Variants in STPG2 observed in about 807,000 individuals in gnomAD.
STPG2 encodes the protein sperm-tail PG-rich repeat-containing protein 2.
A neutral mutation model predicts 54.2 loss-of-function variants in STPG2; 56 were observed. The ratio of observed to expected loss-of-function variants is 1.03; its 90% CI spans 0.83 to 1.29. The LOEUF (loss-of-function observed/expected upper bound fraction) is 1.29, where lower values mean the gene tolerates loss of function less well. Among genes scored for constraint, STPG2 ranks in the 50% most tolerant of loss-of-function variants. STPG2 has a pLI of 0.00. For missense variants in STPG2, 596 were observed against 544.9 expected, an observed-to-expected ratio of 1.09 and a Z score of -0.93; for synonymous variants, 200 against 181.8, an observed-to-expected ratio of 1.10 and a Z score of -0.81.
chr4:97,691,771 G>T (rs1209818380), intron 10 of STPG2, among the ~76,000 whole-genome samples: 1 of 152,114 alleles, frequency 6.6e-6, no homozygotes, highest in African/African-American at 2.4e-5. Flanking sequence ...CAAGGTTTAA[G>T]GACCCTCCCT....
intron 9 of STPG2, among the ~76,000 whole-genome samples, chr4:97,776,288 T>C (rs1236166932): frequency 1.3e-5 from 2 of 152,154 alleles, no homozygotes; most frequent in Non-Finnish European, 2.9e-5. Context: ...ATTTTACAGA[T>C]GACAATATTG....
At chr4:97,482,212 T>C (rs1730239035) in intron 4 of STPG2, among the ~76,000 whole-genome samples, 1 of 151,578 alleles carries the variant, frequency 6.6e-6, no homozygotes, top group Admixed American at 6.6e-5. Flanking sequence ...TTCTTTTGTA[T>C]GTTATTGAAT....
In STPG2 at chr4:97,695,450, C is replaced by T. The variant is rs62316487; in HGVS notation, c.1320+17249G>A. Among the ~76,000 whole-genome samples, 1,169 of 152,268 alleles carry T rather than the reference C, an allele frequency of 7.7e-3. 12 individuals carry two copies. Among genetic ancestry groups the T allele is most frequent in the Middle Eastern group, 0.058 (17 of 294 alleles). On this transcript the variant is annotated intron_variant, in intron 10 of 10. Transcript: ENST00000295268. ...AACTGGAACAAGACAAGGATGCGCA[C>T]TTTCACCACTTCTATTCAACATAGT...
intron 3 of STPG2, among the ~76,000 whole-genome samples, chr4:98,113,395 GTTA>G (rs1272128083): frequency 1.3e-5 from 2 of 152,138 alleles, no homozygotes; most frequent in African/African-American, 4.8e-5. Flanking sequence ...TGGTATTTAA[GTTA>G]TTAACATTAT....
chr4:97,810,574 G>A (rs1727706169), intron 9 of STPG2, among the ~76,000 whole-genome samples: 1 of 151,976 alleles, frequency 6.6e-6, no homozygotes. Flanking sequence ...CATGAGTCAG[G>A]CTCTGGGACA....
Position 98,025,901 on chromosome 4 carries a change from A to C in STPG2, c.613-44583T>G, listed in dbSNP as rs549930513. On this transcript the variant is annotated intron_variant, in intron 5 of 10. Coordinates refer to ENST00000295268, the MANE Select transcript of STPG2 (RefSeq NM_174952.3). ...GGGAGCTGTGGATGGAGGCTTGTCTATCCCTCACAGTACCAAATGATTCCC... is the reference window on the plus strand; with the variant it reads ...GGGAGCTGTGGATGGAGGCTTGTCTCTCCCTCACAGTACCAAATGATTCCC... 1.9e-6 allele frequency: 3 copies of C among 1,566,768 alleles called. No individual in the cohort carries two copies. In the African/African-American group the frequency reaches 4.0e-5, roughly 21 times the overall value.
intron 9 of STPG2, among the ~76,000 whole-genome samples, chr4:97,731,799 C>T (rs1026046672): frequency 1.1e-4 from 17 of 152,346 alleles, no homozygotes; most frequent in African/African-American, 4.1e-4. Context: ...ACTTAAGCTG[C>T]ATCTACAGAT....
chr4:97,536,414 C>T (rs974253259), intron 4 of STPG2, among the ~76,000 whole-genome samples: 2 of 152,102 alleles, frequency 1.3e-5, no homozygotes, highest in South Asian at 4.1e-4. Context: ...GACAAATTCC[C>T]CTTGAGCTCT....
intron 9 of STPG2, among the ~76,000 whole-genome samples, chr4:97,815,272 C>A (rs913661547): frequency 1.3e-5 from 2 of 152,050 alleles, no homozygotes; most frequent in African/African-American, 4.8e-5. Flanking sequence ...GTATATACAG[C>A]TTGACTATCC....
At chr4:97,479,526 G>A (rs765221637) in intron 4 of STPG2, among the ~76,000 whole-genome samples, 11 of 151,794 alleles carry the variant, frequency 7.2e-5, no homozygotes, top group Admixed American at 2.0e-4. Flanking sequence ...ATGTCCTTTC[G>A]AATCTGACAT....
chr4:97,732,533 C>A (rs545490606), intron 9 of STPG2, among the ~76,000 whole-genome samples: 42 of 151,940 alleles, frequency 2.8e-4, no homozygotes, highest in Non-Finnish European at 5.1e-4. Flanking sequence ...AAGGATAAGA[C>A]CCCAAAAACA....
chr4:97,824,912 C>G (rs949607450), intron 9 of STPG2, among the ~76,000 whole-genome samples: 2 of 152,218 alleles, frequency 1.3e-5, no homozygotes, highest in South Asian at 2.1e-4. Context: ...TCTTCCCCTC[C>G]AAAAACCATG....
rs1299271760 is a variant in STPG2, at chr4:98,011,666, GAT to G, written c.613-30350_613-30349del. 2.0e-5 allele frequency among the ~76,000 whole-genome samples: 3 copies of G among 152,300 alleles called. No homozygotes were observed. In the East Asian group the frequency reaches 5.8e-4, roughly 29 times the overall value. On this transcript the variant is annotated intron_variant, in intron 5 of 10. Transcript: ENST00000295268. ...ATAATCACCATTCTGACTGGCATAA[GAT>G]GGTATCTCATTGTAGTTTTGATTTT...
chr4:97,624,913 C>G (rs1345720325), intron 10 of STPG2, among the ~76,000 whole-genome samples: 3 of 151,922 alleles, frequency 2.0e-5, no homozygotes, highest in Non-Finnish European at 4.4e-5. Flanking sequence ...TCAGATTTGT[C>G]AAAGATCAGA....
At chr4:97,816,660 T>C (rs921561191) in intron 9 of STPG2, among the ~76,000 whole-genome samples, 9 of 152,090 alleles carry the variant, frequency 5.9e-5, no homozygotes, top group South Asian at 2.1e-4. Flanking sequence ...AGGGCCTAAA[T>C]AGAACAAAAA....
chr4:97,678,193 C>A (rs1722914050), intron 10 of STPG2, among the ~76,000 whole-genome samples: 1 of 151,946 alleles, frequency 6.6e-6, no homozygotes, highest in Non-Finnish European at 1.5e-5. Context: ...TTAGAATTTA[C>A]ACTTACAGGG....
chr4:97,706,541 T>C (rs1212482375), intron 10 of STPG2, among the ~76,000 whole-genome samples: 2 of 152,110 alleles, frequency 1.3e-5, no homozygotes, highest in Non-Finnish European at 2.9e-5. Flanking sequence ...CTATGAGAAA[T>C]AAATTTTTGT....
In STPG2 at chr4:97,972,273, G is replaced by A. The variant is rs1734353337; in HGVS notation, c.933+7C>T. 4 of 1,549,196 alleles carry A rather than the reference G, an allele frequency of 2.6e-6. No homozygotes were observed. Among genetic ancestry groups the A allele is most frequent in the Middle Eastern group, 1.7e-4 (1 of 5,814 alleles). The stretch of plus-strand genomic sequence containing the variant: ...TAAAGAATATTATTTTTGTATGAAT[G>A]TATTACCTGATAATCAGCAGGTCCA... On this transcript the variant is annotated splice_region_variant and intron_variant, in intron 7 of 10. Coordinates refer to ENST00000295268, the MANE Select transcript of STPG2 (RefSeq NM_174952.3).
intron 9 of STPG2, among the ~76,000 whole-genome samples, chr4:97,799,574 C>T (rs913570461): frequency 1.3e-5 from 2 of 152,160 alleles, no homozygotes; most frequent in Non-Finnish European, 2.9e-5. Context: ...ATGGGCTTCC[C>T]TTTGTGGGTA....
Sources: allele counts gnomAD v4.1 joint callset (sites outside exome capture counted in the v4.1 genomes callset), GRCh38; gene constraint gnomAD v4.1.1; transcripts MANE v1.5; gene names NCBI Gene and HGNC (gene_info 2026-07-23, HGNC 2026-07-21).